The following HERC3 variants were observed in gnomAD, a reference collection of about 807,000 sequenced individuals.
HERC3 encodes the protein probable E3 ubiquitin-protein ligase HERC3.
HERC3 carries 58 observed loss-of-function variants against 129.9 expected under a neutral mutation model. The ratio of observed to expected loss-of-function variants is 0.45; its 90% CI spans 0.36 to 0.56. The LOEUF (loss-of-function observed/expected upper bound fraction) is 0.56. HERC3 is among the 20% of genes least tolerant of loss of function. HERC3 has a pLI of 0.00. For missense variants in HERC3, 835 were observed against 1,244.2 expected (o/e 0.67, Z 4.95); for synonymous variants, 430 against 451.0 (o/e 0.95, Z 0.59).
chr4:88,636,379 C>T (rs1356592558), intron 3 of HERC3, among the ~76,000 whole-genome samples: 1 of 151,778 alleles, frequency 6.6e-6, no homozygotes, highest in African/African-American at 2.4e-5. Flanking sequence ...TTAAACCAAC[C>T]AAGATCAAAA....
intron 24 of HERC3, 69 bp downstream of exon 24, chr4:88,704,350 A>G (rs2149351449): frequency 6.6e-7 from 1 of 1,512,768 alleles, no homozygotes; most frequent in Non-Finnish European, 9.1e-7. Context: ...AGGTGTTCCC[A>G]GAGCCTGGTC....
rs781007164 is a variant in HERC3 at position 88,649,719 on chromosome 4, T to C, written c.227-121T>C. ...ATGTGAAATTTATAATCTCTATAAA[T>C]ATTCAGATTAAGTGGTTCTTGTTAA... On this transcript the variant is annotated intron_variant, in intron 3 of 25. Coordinates refer to ENST00000402738, the MANE Select transcript of HERC3 (RefSeq NM_014606.3). 5.2e-4 allele frequency: 381 copies of C among 739,370 alleles called. 1 individual carries two copies. Among genetic ancestry groups the C allele is most frequent in the Non-Finnish European group, 6.9e-4 (317 of 456,428 alleles). 45.8% of individuals were successfully genotyped at this position (739,370 alleles called of 1,614,324 possible).
At chr4:88,574,789 A>G in the HERC3 span, among the ~76,000 whole-genome samples, 3 of 152,192 alleles carry the variant, frequency 2.0e-5, no homozygotes, top group African/African-American at 4.8e-5. Flanking sequence ...GTATGCATAC[A>G]CCACCTTTCA....
the HERC3 span, among the ~76,000 whole-genome samples, chr4:88,542,772 G>C: frequency 6.6e-6 from 1 of 152,130 alleles, no homozygotes; most frequent in Non-Finnish European, 1.5e-5. Context: ...GGGATGCAAG[G>C]CTGGTTCAAC....
At chr4:88,665,103 TACTC>T (rs1446381134) in intron 12 of HERC3, among the ~76,000 whole-genome samples, 1 of 152,188 alleles carries the variant, frequency 6.6e-6, no homozygotes, top group Non-Finnish European at 1.5e-5. Context: ...AGCCCTGTGT[TACTC>T]AAGGTTCTTC....
At chr4:88,643,421 C>T (rs1171984799) in intron 3 of HERC3, among the ~76,000 whole-genome samples, 3 of 152,230 alleles carry the variant, frequency 2.0e-5, no homozygotes, top group South Asian at 4.1e-4. Flanking sequence ...GGTAAAGGAT[C>T]TAGAATACCT....
chr4:88,544,363 A>G, the HERC3 span, among the ~76,000 whole-genome samples: 1 of 152,264 alleles, frequency 6.6e-6, no homozygotes, highest in Non-Finnish European at 1.5e-5. Flanking sequence ...TCAAAACCAC[A>G]ATGAGATATC....
At position 88,663,246 on chromosome 4, in the gene HERC3, A is replaced by G. The variant is rs114241803; in HGVS notation, c.1271+691A>G. On this transcript the variant is annotated intron_variant, in intron 11 of 25. Transcript: ENST00000402738. The stretch of plus-strand genomic sequence containing the variant: ...TAGTGGGCCAAATGACCAGGACGCT[A>G]CACTTTGAGGCACTTGAGCTAGTAA... Among the ~76,000 whole-genome samples, 547 of 152,262 alleles carry G rather than the reference A, an allele frequency of 3.6e-3. 10 individuals are homozygous for G. The highest frequency in any genetic ancestry group is 0.012 in the African/African-American group (518 of 41,546).
At chr4:88,658,923 A>G (rs998649324) in intron 10 of HERC3, among the ~76,000 whole-genome samples, 1 of 152,118 alleles carries the variant, frequency 6.6e-6, no homozygotes, top group Non-Finnish European at 1.5e-5. Flanking sequence ...CAATTTTCAG[A>G]TGTATTTTAT....
intron 3 of HERC3, among the ~76,000 whole-genome samples, chr4:88,607,099 G>A (rs1021705535): frequency 1.3e-5 from 2 of 152,106 alleles, no homozygotes; most frequent in African/African-American, 4.8e-5. Context: ...TCTGTGTTAT[G>A]TAAGTTGAAG....
At chr4:88,643,324 A>G (rs947156784) in intron 3 of HERC3, among the ~76,000 whole-genome samples, 2 of 152,260 alleles carry the variant, frequency 1.3e-5, no homozygotes, top group African/African-American at 4.8e-5. Context: ...AAGTTGACTT[A>G]TAGATTTAAC....
chr4:88,637,404 C>T (rs140336279), intron 3 of HERC3, among the ~76,000 whole-genome samples: 2,169 of 152,078 alleles, frequency 0.014, 56 homozygotes, highest in African/African-American at 0.049. Flanking sequence ...CCAGCCTGGG[C>T]CACAGAGTGA....
In HERC3 at chr4:88,681,015, G is replaced by T. The variant is rs1732715604; in HGVS notation, c.2341-144G>T. On this transcript the variant is annotated intron_variant, in intron 20 of 25. Transcript: ENST00000402738. ...TTAAGGGATAACAACTTTTGTCAGG[G>T]TGTTTCTTTGCTACAGAAGGTAACT... 7 of 1,427,350 alleles carry T rather than the reference G, an allele frequency of 4.9e-6. No homozygotes were observed. In the Admixed American group the frequency reaches 1.2e-4, roughly 24 times the overall value. The allele number at this position is 1,427,350 out of a possible 1,614,324, so 88.4% of individuals were successfully genotyped here.
the HERC3 span, among the ~76,000 whole-genome samples, chr4:88,559,418 A>G: frequency 6.6e-6 from 1 of 152,164 alleles, no homozygotes; most frequent in Non-Finnish European, 1.5e-5. Context: ...GTATCCTCTG[A>G]ACTACATCTC....
At chr4:88,594,761 C>T (rs1722158597) in intron 1 of HERC3, among the ~76,000 whole-genome samples, 1 of 152,052 alleles carries the variant, frequency 6.6e-6, no homozygotes, top group South Asian at 2.1e-4. Flanking sequence ...ATGATCTCTT[C>T]TCATTTTGCA....
At chr4:88,665,826 C>T (rs1415112609) in intron 12 of HERC3, among the ~76,000 whole-genome samples, 1 of 152,156 alleles carries the variant, frequency 6.6e-6, no homozygotes, top group Non-Finnish European at 1.5e-5. Context: ...CAATTCATTT[C>T]ATATTTAGTA....
At chr4:88,642,455 A>T (rs912113919) in intron 3 of HERC3, among the ~76,000 whole-genome samples, 1 of 152,236 alleles carries the variant, frequency 6.6e-6, no homozygotes, top group Non-Finnish European at 1.5e-5. Flanking sequence ...GTGTTGGAAG[A>T]TTGCATTCTT....
At chr4:88,651,753 T>G (rs1377691336) in intron 4 of HERC3, among the ~76,000 whole-genome samples, 1 of 152,020 alleles carries the variant, frequency 6.6e-6, no homozygotes, top group Non-Finnish European at 1.5e-5. Flanking sequence ...CCCGGCTGAT[T>G]TTTTTTGTAT....
intron 3 of HERC3, among the ~76,000 whole-genome samples, chr4:88,645,181 G>C (rs150485913): frequency 2.0e-5 from 3 of 152,268 alleles, no homozygotes; most frequent in African/African-American, 7.2e-5. Flanking sequence ...GGAGAGCAGA[G>C]TATAGCAGCA....
Sources: allele counts gnomAD v4.1 joint callset (sites outside exome capture counted in the v4.1 genomes callset), GRCh38; gene constraint gnomAD v4.1.1; transcripts MANE v1.5; gene names NCBI Gene and HGNC (gene_info 2026-07-23, HGNC 2026-07-21).